HAVCR1: variants seen among roughly 807,000 people sequenced by gnomAD.
HAVCR1 encodes hepatitis A virus cellular receptor 1.
HAVCR1 carries 34 observed loss-of-function variants against 32.0 expected under a neutral mutation model. That is an observed-to-expected ratio of 1.06 (90% confidence interval 0.81 to 1.42). HAVCR1 has a LOEUF of 1.42. HAVCR1 is among the 40% of genes most tolerant of loss of function. The probability of loss-of-function intolerance (pLI) is 0.00; values close to 1 mark genes in which losing one functional copy is unlikely to be tolerated. For missense variants in HAVCR1, 420 were observed against 442.3 expected (o/e 0.95, Z 0.45); for synonymous variants, 178 against 170.3 (o/e 1.05, Z -0.35).
At chr5:157,066,527 G>A in the HAVCR1 span, among the ~76,000 whole-genome samples, 4 of 136,582 alleles carry the variant, frequency 2.9e-5, no homozygotes, top group Non-Finnish European at 6.2e-5. Flanking sequence ...TAAAAGTTTT[G>A]CAAAAATGGA....
Position 157,029,704 on chromosome 5 carries a change from C to A in HAVCR1, c.*29G>T, listed in dbSNP as rs137884244. ...CTGTTCAGTCTTCTGCACTCATGGG[C>A]GTAAACTCTCAAAGAGCACCACTGG... On this transcript the variant is annotated 3_prime_UTR_variant, in exon 9 of 9. Coordinates refer to ENST00000523175, the MANE Select transcript of HAVCR1 (RefSeq NM_001173393.3). 1 of 1,612,356 alleles carries A rather than the reference C, an allele frequency of 6.2e-7. No individual in the cohort carries two copies. Among genetic ancestry groups the A allele is most frequent in the Non-Finnish European group, 8.5e-7 (1 of 1,179,884 alleles).
intron 7 of HAVCR1, 41 bp from the exon 8 acceptor site, chr5:157,032,928 C>A (rs1239831706): frequency 8.5e-7 from 1 of 1,180,272 alleles, no homozygotes; most frequent in East Asian, 2.4e-5. Flanking sequence ...GAAGAGAAAA[C>A]TAAACATCTC....
chr5:157,043,668 CA>C (rs897758070), intron 5 of HAVCR1, among the ~76,000 whole-genome samples: 1 of 151,832 alleles, frequency 6.6e-6, no homozygotes, highest in Non-Finnish European at 1.5e-5. Context: ...ACCCTGTCCC[CA>C]AAAAAGAGTA....
chr5:157,056,604 TTTC>T, intron 2 of HAVCR1, among the ~76,000 whole-genome samples: 1 of 151,936 alleles, frequency 6.6e-6, no homozygotes, highest in Non-Finnish European at 1.5e-5. Flanking sequence ...ATGGTCTCGA[TTTC>T]CTGACCTCGT....
the HAVCR1 span, among the ~76,000 whole-genome samples, chr5:157,064,504 C>G: frequency 6.6e-6 from 1 of 151,846 alleles, no homozygotes; most frequent in Admixed American, 6.6e-5. Context: ...GAGAAAGGGC[C>G]TAAGATGACT....
At chr5:157,029,907 G>A in intron 8 of HAVCR1, 66 bp from the exon 9 acceptor site, 1 of 1,373,456 alleles carries the variant, frequency 7.3e-7, no homozygotes, top group Non-Finnish European at 1.0e-6. Flanking sequence ...TCACATATAA[G>A]CTGCACTTTT....
intron 5 of HAVCR1, among the ~76,000 whole-genome samples, chr5:157,042,948 C>G (rs1170975933): frequency 2.6e-5 from 4 of 152,104 alleles, no homozygotes; most frequent in Non-Finnish European, 4.4e-5. Flanking sequence ...CATGTGCACA[C>G]ACATGAATTT....
chr5:157,060,975 G>A (rs1756477609), upstream of HAVCR1, among the ~76,000 whole-genome samples: 1 of 151,814 alleles, frequency 6.6e-6, no homozygotes. Flanking sequence ...TCAGCTCAGT[G>A]CAACCTCCAT....
chr5:157,057,812 C>T, intron 2 of HAVCR1, 86 bp downstream of exon 2: 1 of 936,066 alleles, frequency 1.1e-6, no homozygotes, highest in African/African-American at 1.6e-5. Context: ...CCACCACCAC[C>T]ATCCCCTCCC....
chr5:157,051,796 A>G (rs1392961423), intron 4 of HAVCR1, among the ~76,000 whole-genome samples: 1 of 152,220 alleles, frequency 6.6e-6, no homozygotes, highest in Non-Finnish European at 1.5e-5. Context: ...ACTTTCAACA[A>G]TGAACTTTTA....
intron 6 of HAVCR1, among the ~76,000 whole-genome samples, chr5:157,039,755 A>C (rs1754760820): frequency 6.6e-6 from 1 of 152,246 alleles, no homozygotes; most frequent in Non-Finnish European, 1.5e-5. Flanking sequence ...AAGTGTTAAC[A>C]ATGAACATCC....
upstream of HAVCR1, among the ~76,000 whole-genome samples, chr5:157,059,604 G>A (rs1581738627): frequency 6.6e-6 from 1 of 152,316 alleles, no homozygotes; most frequent in African/African-American, 2.4e-5. Context: ...GAACCTGGAA[G>A]GTGGAGGTTG....
chr5:157,048,802 C>T (rs1755566522), intron 5 of HAVCR1, among the ~76,000 whole-genome samples: 1 of 151,798 alleles, frequency 6.6e-6, no homozygotes. Context: ...TGCACTCCAG[C>T]CTGGGCAACA....
chr5:157,032,740 G>C, intron 8 of HAVCR1, 114 bp downstream of exon 8: 1 of 712,558 alleles, frequency 1.4e-6, no homozygotes, highest in Non-Finnish European at 2.5e-6. Flanking sequence ...CATTAAAGTG[G>C]ACTGTCAGGA....
At chr5:157,039,572 C>T (rs1754743822) in intron 6 of HAVCR1, among the ~76,000 whole-genome samples, 1 of 152,206 alleles carries the variant, frequency 6.6e-6, no homozygotes, top group Non-Finnish European at 1.5e-5. Context: ...TGGTCTCAAA[C>T]TCCTGACCTC....
chr5:157,033,954 G>A (rs1754336797), intron 7 of HAVCR1, among the ~76,000 whole-genome samples: 2 of 152,192 alleles, frequency 1.3e-5, no homozygotes, highest in South Asian at 4.1e-4. Flanking sequence ...TCAGGAGGCT[G>A]AGGCAGGAGA....
At chr5:157,057,405 A>AAGAG (rs1756246068) in intron 2 of HAVCR1, among the ~76,000 whole-genome samples, 1 of 103,236 alleles carries the variant, frequency 9.7e-6, no homozygotes, top group African/African-American at 3.4e-5. Flanking sequence ...GAAAGAAAGA[A>AAGAG]AGAAAGAAAG....
At chr5:157,067,775 G>C in the HAVCR1 span, among the ~76,000 whole-genome samples, 2 of 152,006 alleles carry the variant, frequency 1.3e-5, no homozygotes, top group Non-Finnish European at 2.9e-5. Flanking sequence ...TGCAACCTCC[G>C]CCTCCCGGGT....
At chr5:157,057,384 G>GGAA (rs2076431944) in intron 2 of HAVCR1, among the ~76,000 whole-genome samples, 2 of 121,494 alleles carry the variant, frequency 1.6e-5, no homozygotes, top group South Asian at 2.5e-4. Context: ...GAGAGAGAGA[G>GGAA]AGGAAAGAAA....
Sources: gnomAD v4.1 joint callset for allele counts (sites outside exome capture counted in the v4.1 genomes callset) on GRCh38, gnomAD v4.1.1 for gene constraint, MANE v1.5 for transcripts, NCBI Gene and HGNC (gene_info 2026-07-23, HGNC 2026-07-21) for gene names.